Variants in STPG2 observed in about 807,000 individuals in gnomAD.
The protein encoded by STPG2 is sperm-tail PG-rich repeat-containing protein 2.
Under a neutral mutation model 54.2 loss-of-function variants are expected in STPG2, and 56 were observed. That is an observed-to-expected ratio of 1.03 (90% confidence interval 0.83 to 1.29). The LOEUF (loss-of-function observed/expected upper bound fraction) is 1.29. Among genes scored for constraint, STPG2 ranks in the 50% most tolerant of loss-of-function variants. The probability of loss-of-function intolerance (pLI) is 0.00; values close to 1 mark genes in which losing one functional copy is unlikely to be tolerated. For synonymous variants in STPG2, 200 were observed against 181.8 expected (o/e 1.10, Z -0.81); for missense variants, 596 against 544.9 (o/e 1.09, Z -0.93).
chr4:97,876,613 T>C lies in STPG2; in HGVS notation c.1045-35681A>G, dbSNP rs145788026. Among the ~76,000 whole-genome samples the C allele has an allele frequency of 4.6e-3, 697 of 152,170 alleles. 7 individuals are homozygous for C. The highest frequency in any genetic ancestry group is 0.016 in the African/African-American group (667 of 41,578). On this transcript the variant is annotated intron_variant, in intron 8 of 10. Transcript: ENST00000295268. ...TTATTTTCTTTGAATATCTTTTCCATACTAATCATCACATACATAAAAAGC... is the reference window on the plus strand; with the variant it reads ...TTATTTTCTTTGAATATCTTTTCCACACTAATCATCACATACATAAAAAGC...
chr4:98,041,303 A>G (rs1405324722), intron 5 of STPG2, among the ~76,000 whole-genome samples: 3 of 151,862 alleles, frequency 2.0e-5, no homozygotes, highest in African/African-American at 7.2e-5. Flanking sequence ...CTCTTTTCCA[A>G]TTCAGATGTA....
chr4:97,551,239 C>G (rs1731960663), intron 4 of STPG2, among the ~76,000 whole-genome samples: 1 of 152,092 alleles, frequency 6.6e-6, no homozygotes. Context: ...CCACCTGACC[C>G]AGGAAGCCCA....
intron 5 of STPG2, among the ~76,000 whole-genome samples, chr4:98,021,069 T>C (rs1034584514): frequency 2.0e-5 from 3 of 152,274 alleles, no homozygotes; most frequent in Non-Finnish European, 4.4e-5. Context: ...AGCTTTTGAA[T>C]GTGCTTGCTC....
chr4:97,678,258 A>G (rs1209992230), intron 10 of STPG2, among the ~76,000 whole-genome samples: 1 of 152,176 alleles, frequency 6.6e-6, no homozygotes, highest in Non-Finnish European at 1.5e-5. Context: ...TAATGAGCAC[A>G]CATAGCTAAT....
At chr4:97,945,573 C>A (rs886399767) in intron 7 of STPG2, among the ~76,000 whole-genome samples, 6 of 151,946 alleles carry the variant, frequency 3.9e-5, no homozygotes, top group Admixed American at 3.9e-4. Flanking sequence ...TGGGTAAATA[C>A]CCAGTAGTGG....
rs1264503548 is a variant in STPG2, at chr4:97,616,055, TAA to T, written c.1321-56940_1321-56939del. Among the ~76,000 whole-genome samples the T allele has an allele frequency of 6.7e-3, 420 of 62,832 alleles. 17 individuals carry two copies. Among genetic ancestry groups the T allele is most frequent in the African/African-American group, 0.023 (301 of 12,852 alleles). 41.2% of individuals were successfully genotyped at this position (62,832 alleles called of 152,430 possible). A position where few individuals can be genotyped will look rare whatever the true frequency, so the allele number is the denominator to read the frequency against. On this transcript the variant is annotated intron_variant, in intron 10 of 10. Transcript: ENST00000295268. ...CTGTCTCAAAAAAAAAAAATACATA[TAA>T]ATATATATATATATATATATATATA... is the stretch of plus-strand genomic sequence containing the variant.
chr4:97,850,652 G>A (rs963910069), intron 8 of STPG2, among the ~76,000 whole-genome samples: 1 of 151,302 alleles, frequency 6.6e-6, no homozygotes, highest in Admixed American at 6.6e-5. Context: ...GAAGAGAAAG[G>A]GTAAAAACCA....
At chr4:98,081,368 C>T (rs9998803) in intron 5 of STPG2, among the ~76,000 whole-genome samples, 60,146 of 151,842 alleles carry the variant, frequency 0.4, 12,154 homozygotes, top group Middle Eastern at 0.46. Flanking sequence ...AGGTAGTCAT[C>T]GTCCATTGAG....
chr4:98,116,229 A>G (rs1399737392), intron 3 of STPG2, among the ~76,000 whole-genome samples: 8 of 150,394 alleles, frequency 5.3e-5, no homozygotes, highest in Non-Finnish European at 1.0e-4. Flanking sequence ...TGGCCTTCTA[A>G]TAGATGACAC....
chr4:97,532,437 CA>C (rs1477674472), intron 4 of STPG2, among the ~76,000 whole-genome samples: 1 of 151,168 alleles, frequency 6.6e-6, no homozygotes, highest in Non-Finnish European at 1.5e-5. Flanking sequence ...TGTATATTTT[CA>C]AAAAAAATCA....
intron 4 of STPG2, among the ~76,000 whole-genome samples, chr4:97,528,599 A>G (rs1731342619): frequency 6.6e-6 from 1 of 152,090 alleles, no homozygotes; most frequent in East Asian, 1.9e-4. Context: ...CAGTATGGCC[A>G]TTTTCATGAT....
Position 97,976,743 on chromosome 4 carries a change from A to T in STPG2, c.773-4303T>A, listed in dbSNP as rs575427905. ...ATGGCCATTCTTACTAATCCTTAAA[A>T]TATGTAAGATTCTAGATTACGTTTT... On this transcript the variant is annotated intron_variant, in intron 6 of 10. Coordinates refer to ENST00000295268, the MANE Select transcript of STPG2 (RefSeq NM_174952.3). 4.9e-4 allele frequency among the ~76,000 whole-genome samples: 74 copies of T among 152,286 alleles called. 1 individual carries two copies. The South Asian group carries it at 0.015, about 32-fold the overall frequency.
intron 4 of STPG2, among the ~76,000 whole-genome samples, chr4:97,453,679 T>A (rs1189013489): frequency 6.6e-6 from 1 of 152,162 alleles, no homozygotes; most frequent in East Asian, 1.9e-4. Context: ...AGAAAAAATA[T>A]TGACTTCAGG....
intron 1 of STPG2, among the ~76,000 whole-genome samples, chr4:98,139,524 C>T (rs997101102): frequency 1.3e-5 from 2 of 152,150 alleles, no homozygotes; most frequent in East Asian, 1.9e-4. Context: ...CATAGTCCAA[C>T]GTGTTACTGG....
chr4:97,808,864 A>G (rs544237683), intron 9 of STPG2, among the ~76,000 whole-genome samples: 1 of 152,142 alleles, frequency 6.6e-6, no homozygotes, highest in South Asian at 2.1e-4. Context: ...CTCTCAAGCA[A>G]AAAAGCTAAA....
chr4:97,818,440 G>T (rs986649768), intron 9 of STPG2, among the ~76,000 whole-genome samples: 1 of 151,634 alleles, frequency 6.6e-6, no homozygotes, highest in South Asian at 2.1e-4. Context: ...TAAAAGTTGT[G>T]TGAATATGGT....
intron 9 of STPG2, among the ~76,000 whole-genome samples, chr4:97,725,741 C>G (rs1436205265): frequency 6.6e-6 from 1 of 151,728 alleles, no homozygotes; most frequent in Admixed American, 6.6e-5. Context: ...TTACAAAATA[C>G]AGATTGCTTA....
intron 9 of STPG2, among the ~76,000 whole-genome samples, chr4:97,723,331 G>C (rs1011457469): frequency 5.3e-5 from 8 of 152,116 alleles, no homozygotes; most frequent in Admixed American, 3.9e-4. Context: ...CTCCAAAAGG[G>C]GGGAGGGAGG....
intron 7 of STPG2, among the ~76,000 whole-genome samples, chr4:97,952,960 T>C (rs543589878): frequency 6.6e-6 from 1 of 152,226 alleles, no homozygotes; most frequent in East Asian, 1.9e-4. Flanking sequence ...AGAGTCTCAG[T>C]TGTGGTAGTA....
Sources: allele counts gnomAD v4.1 joint callset (sites outside exome capture counted in the v4.1 genomes callset), GRCh38; gene constraint gnomAD v4.1.1; transcripts MANE v1.5; gene names NCBI Gene and HGNC (gene_info 2026-07-23, HGNC 2026-07-21).